ARHGEF39: variants seen among roughly 807,000 people sequenced by gnomAD.
ARHGEF39 encodes Rho guanine nucleotide exchange factor 39, also known as Rho guanine nucleotide exchange factor (GEF) 39.
A neutral mutation model predicts 47.5 loss-of-function variants in ARHGEF39; 45 were observed. That is an observed-to-expected ratio of 0.95 (90% confidence interval 0.75 to 1.22). The LOEUF is 1.22. Ranked by LOEUF, ARHGEF39 falls within the 50% of genes most tolerant of loss-of-function variation. The pLI is 0.00. For missense variants in ARHGEF39, 411 were observed against 425.3 expected (o/e 0.97, Z 0.30); for synonymous variants, 164 against 167.8 (o/e 0.98, Z 0.17).
rs1824164135 is a variant in ARHGEF39, at chr9:35,665,067, G to A, written c.103C>T (p.Arg35Trp). 1.3e-6 allele frequency: 2 copies of A among 1,563,000 alleles called. No individual in the cohort carries two copies. The highest frequency in any genetic ancestry group is 1.3e-5 in the African/African-American group (1 of 74,392). Reference protein sequence around the residue: ...CTARELLETERRYQEQLGLVA... With the variant: ...CTARELLETEWRYQEQLGLVA... ...AGCCCCAGCTGTTCTTGGTAGCGCC[G>A]CTCGGTCTCTAGCAGCTCCCGGGCG... Residue 35 changes from arginine to tryptophan, a missense_variant, in exon 1 of 9, where the codon CGG (arginine) becomes TGG (tryptophan). Transcript: ENST00000378387.
chr9:35,662,778 C>A, intron 6 of ARHGEF39, 37 bp from the exon 7 acceptor site: 1 of 1,536,988 alleles, frequency 6.5e-7, no homozygotes, highest in Non-Finnish European at 8.8e-7. Context: ...GGTGCAGCTT[C>A]AAGATACATG....
intron 2 of ARHGEF39, 32 bp downstream of exon 2, chr9:35,664,723 CT>C (rs1232148082): frequency 5.7e-6 from 9 of 1,591,992 alleles, no homozygotes; most frequent in Non-Finnish European, 6.8e-6. Flanking sequence ...AGGACTCTCC[CT>C]CCTTTCCTCT....
rs61755263 is a variant in ARHGEF39 at position 35,665,140 on chromosome 9, G to A, written c.30C>T (p.Cys10=). The A allele has an allele frequency of 2.7e-3, 4,173 of 1,542,128 alleles. 10 individuals are homozygous for A. The highest frequency in any genetic ancestry group is 2.8e-3 in the Non-Finnish European group (3,173 of 1,142,862). MELSCPGSR[C]PVQEQRARWE... is the part of the protein sequence containing the mutation. ...AGCGGGCACGCTGCTCTTGCACCGG[G>A]CACCGCGAACCGGGGCAGGAGAGCT... is the stretch of plus-strand genomic sequence containing the variant. The change falls in exon 1 of 9, where the codon TGC becomes TGT. Residue 10 remains cysteine, a synonymous_variant. Coordinates refer to ENST00000378387, the MANE Select transcript of ARHGEF39 (RefSeq NM_032818.3).
rs776399807 is a variant in ARHGEF39 at position 35,662,501 on chromosome 9, C to A, written c.903+11G>T. 1 of 1,608,610 alleles carries A rather than the reference C, an allele frequency of 6.2e-7. No individual in the cohort carries two copies. The highest frequency in any genetic ancestry group is 8.5e-7 in the Non-Finnish European group (1 of 1,177,330). On this transcript the variant is annotated intron_variant, in intron 7 of 8. Coordinates refer to ENST00000378387, the MANE Select transcript of ARHGEF39 (RefSeq NM_032818.3). ...CATATTTTGGGTCTAGGGTTCCCAC[C>A]TATTACTTACACTGAGCAACCCACC...
At position 35,660,737 on chromosome 9, in the gene ARHGEF39, T is replaced by G; in HGVS notation, c.*1250A>C. On this transcript the variant is annotated 3_prime_UTR_variant, in exon 9 of 9. Transcript: ENST00000378387. ...TAGGTTGGGAGCCACTGAGTGGACA[T>G]TTCTTCAGTGTGACTACTCTGGCTG... The G allele has an allele frequency of 6.2e-7, 1 of 1,613,984 alleles. No homozygotes were observed. The highest frequency in any genetic ancestry group is 8.5e-7 in the Non-Finnish European group (1 of 1,179,906).
chr9:35,663,380 G>C lies in ARHGEF39; in HGVS notation c.486C>G (p.Leu162=), dbSNP rs376575677. 1 of 1,613,632 alleles carries C rather than the reference G, an allele frequency of 6.2e-7. No homozygotes were observed. The highest frequency in any genetic ancestry group is 2.2e-5 in the East Asian group (1 of 44,886). ...CTGTGTTTTCAGCCAAAGCTACGAC[G>C]AGATTCTCATACCTGGAATTCAACA... The part of the protein sequence containing the change: ...PLQRLQQYEN[L]VVALAENTGP... The change falls in exon 5 of 9, where the codon CTC becomes CTG. Residue 162 remains leucine (L), a synonymous_variant. Coordinates refer to ENST00000378387, the MANE Select transcript of ARHGEF39 (RefSeq NM_032818.3).
chr9:35,661,095 A>C lies in ARHGEF39; in HGVS notation c.*892T>G, dbSNP rs1563913363. ...GGGGCGGGGACTACGGAGAAGGTGC[A>C]GCCAGGCTGTGGCAAAGGGCCCCAG... On this transcript the variant is annotated 3_prime_UTR_variant, in exon 9 of 9. Transcript: ENST00000378387. 1 of 1,614,200 alleles carries C rather than the reference A, an allele frequency of 6.2e-7. No homozygotes were observed. The highest frequency in any genetic ancestry group is 8.5e-7 in the Non-Finnish European group (1 of 1,180,028).
chr9:35,661,326 G>C lies in ARHGEF39; in HGVS notation c.*661C>G, dbSNP rs967127146. On this transcript the variant is annotated 3_prime_UTR_variant, in exon 9 of 9. Transcript: ENST00000378387. ...TGCCTTCCAGTGTGACAGCAGAGAA[G>C]ATAGAGGGAGCTCCAGCTCTTTTCC... 3.9e-5 allele frequency: 24 copies of C among 607,862 alleles called. No individual in the cohort carries two copies. Among genetic ancestry groups the C allele is most frequent in the African/African-American group, 3.5e-4 (19 of 53,774 alleles). 37.7% of individuals were successfully genotyped at this position (607,862 alleles called of 1,614,324 possible). A position where few individuals can be genotyped will look rare whatever the true frequency, so the allele number is the denominator to read the frequency against.
chr9:35,663,317 C>T lies in ARHGEF39; in HGVS notation c.544+5G>A. 6.2e-7 allele frequency: 1 copy of T among 1,613,906 alleles called. No homozygotes were observed. The highest frequency in any genetic ancestry group is 8.5e-7 in the Non-Finnish European group (1 of 1,179,820). ...AGCCTGCGTTGCCGAGGAGCAAGAA[C>T]CTACGTGTGAGCTGTTGATGGTCAG... On this transcript the variant is annotated splice_donor_5th_base_variant and intron_variant, in intron 5 of 8. Transcript: ENST00000378387.
Position 35,661,890 on chromosome 9 carries a change from G to T in ARHGEF39, c.*97C>A. 7.2e-7 allele frequency: 1 copy of T among 1,385,482 alleles called. No homozygotes were observed. The highest frequency in any genetic ancestry group is 1.4e-5 in the African/African-American group (1 of 69,186). 85.8% of individuals were successfully genotyped at this position (1,385,482 alleles called of 1,614,324 possible). On this transcript the variant is annotated 3_prime_UTR_variant, in exon 9 of 9. Coordinates refer to ENST00000378387, the MANE Select transcript of ARHGEF39 (RefSeq NM_032818.3). ...CAGAAAGTGACCTTTGTCAAATCAT[G>T]AAGGGTTCTGTTTTGTTCAGTACTG...
rs1020374925 is a variant in ARHGEF39 at position 35,660,164 on chromosome 9, C to G, written c.*1823G>C. On this transcript the variant is annotated 3_prime_UTR_variant, in exon 9 of 9. Coordinates refer to ENST00000378387, the MANE Select transcript of ARHGEF39 (RefSeq NM_032818.3). ...TCAGCCACCAGAGCTTTTTTCAAAC[C>G]GGAGGGAGTTGCTCATTCCTGGAGG... 6.8e-6 allele frequency: 3 copies of G among 438,062 alleles called. No individual in the cohort carries two copies. Among genetic ancestry groups the G allele is most frequent in the African/African-American group, 6.1e-5 (3 of 49,344 alleles). 27.1% of individuals were successfully genotyped at this position (438,062 alleles called of 1,614,324 possible).
In ARHGEF39 at chr9:35,662,949, A is replaced by C. The variant is rs1435558675; in HGVS notation, c.670T>G (p.Ser224Ala). The C allele has an allele frequency of 6.2e-7, 1 of 1,603,566 alleles. No individual in the cohort carries two copies. Among genetic ancestry groups the C allele is most frequent in the African/African-American group, 1.3e-5 (1 of 74,712 alleles). The change falls in exon 6 of 9, where the codon TCA (serine) becomes GCA (alanine). Residue 224 changes from serine to alanine, a missense_variant. Physicochemically the swap from Ser to Ala is moderately conservative, Grantham distance 99. Coordinates refer to ENST00000378387, the MANE Select transcript of ARHGEF39 (RefSeq NM_032818.3). ...GAAGGGGAAGTAGGCAAGCTACCTG[A>C]GGTCAGCCCCTTTGCCTGGCGTCCA... ...LSGRQAKGLT[S>A]GRWFLRQGWL... is the part of the protein sequence containing the mutation.
chr9:35,664,116 T>G lies in ARHGEF39; in HGVS notation c.365A>C (p.Lys122Thr). 6.2e-7 allele frequency: 1 copy of G among 1,614,008 alleles called. No individual in the cohort carries two copies. Among genetic ancestry groups the G allele is most frequent in the Non-Finnish European group, 8.5e-7 (1 of 1,179,856 alleles). Residue 122 changes from lysine (K) to threonine (T), a missense_variant, in exon 4 of 9, where the codon AAG becomes ACG. Physicochemically the swap from Lys to Thr is moderately conservative, Grantham distance 78. Transcript: ENST00000378387. ...RSQTTLQEQLKKNKGFRRFVR... is the reference protein window; with the variant it reads ...RSQTTLQEQLTKNKGFRRFVR... ...AAACCTCCGGAAACCTTTATTTTTC[T>G]TTAGCTGCTCCTGGAGTGAGGGAGA...
In ARHGEF39 at chr9:35,661,112, G is replaced by A; in HGVS notation, c.*875C>T. 1 of 1,614,098 alleles carries A rather than the reference G, an allele frequency of 6.2e-7. No individual in the cohort carries two copies. Among genetic ancestry groups the A allele is most frequent in the Non-Finnish European group, 8.5e-7 (1 of 1,179,970 alleles). On this transcript the variant is annotated 3_prime_UTR_variant, in exon 9 of 9. Transcript: ENST00000378387. ...GAAGGTGCAGCCAGGCTGTGGCAAA[G>A]GGCCCCAGTCACAGCCTTGGCTGGG... is the stretch of plus-strand genomic sequence containing the variant.
Position 35,661,900 on chromosome 9 carries a change from GT to G in ARHGEF39, c.*86del. On this transcript the variant is annotated 3_prime_UTR_variant, in exon 9 of 9. Transcript: ENST00000378387. ...CCTTTGTCAAATCATGAAGGGTTCT[GT>G]TTTGTTCAGTACTGAAGATTCCTTT... 10 of 1,456,708 alleles carry G rather than the reference GT, an allele frequency of 6.9e-6. No individual in the cohort carries two copies. Among genetic ancestry groups the G allele is most frequent in the Non-Finnish European group, 6.6e-6 (7 of 1,065,440 alleles). The allele number at this position is 1,456,708 out of a possible 1,614,324, so 90.2% of individuals were successfully genotyped here.
At position 35,661,285 on chromosome 9, in the gene ARHGEF39, T is replaced by A; in HGVS notation, c.*702A>T. On this transcript the variant is annotated 3_prime_UTR_variant, in exon 9 of 9. Coordinates refer to ENST00000378387, the MANE Select transcript of ARHGEF39 (RefSeq NM_032818.3). ...GGCCTTCTTGAAGAGCTGTCCTTAT[T>A]AGGACAAAAAGAGGCTGCCTTCCAG... 1 of 832,030 alleles carries A rather than the reference T, an allele frequency of 1.2e-6. No individual in the cohort carries two copies. The highest frequency in any genetic ancestry group is 1.9e-6 in the Non-Finnish European group (1 of 533,450). 51.5% of individuals were successfully genotyped at this position (832,030 alleles called of 1,614,324 possible). A position where few individuals can be genotyped will look rare whatever the true frequency, so the allele number is the denominator to read the frequency against.
chr9:35,665,162 A>C lies in ARHGEF39; in HGVS notation c.8T>G (p.Leu3Arg). Residue 3 changes from leucine to arginine, a missense_variant, in exon 1 of 9, where the codon CTC becomes CGC. Coordinates refer to ENST00000378387, the MANE Select transcript of ARHGEF39 (RefSeq NM_032818.3). Reference protein sequence around the residue: MELSCPGSRCPVQ... With the variant: MERSCPGSRCPVQ... ...CGGGCACCGCGAACCGGGGCAGGAG[A>C]GCTCCATGCCCTGGCTGAGGGATCG... 1 of 1,510,782 alleles carries C rather than the reference A, an allele frequency of 6.6e-7. No individual in the cohort carries two copies. The highest frequency in any genetic ancestry group is 8.9e-7 in the Non-Finnish European group (1 of 1,125,572). 93.6% of individuals were successfully genotyped at this position (1,510,782 alleles called of 1,614,324 possible).
intron 7 of ARHGEF39, 121 bp from the exon 8 acceptor site, chr9:35,662,388 C>T: frequency 7.3e-7 from 1 of 1,378,506 alleles, no homozygotes; most frequent in East Asian, 2.3e-5. Context: ...AGCCCGAGCC[C>T]CAGCTATCCT....
chr9:35,662,193 C>A lies in ARHGEF39; in HGVS notation c.978G>T (p.Leu326=), dbSNP rs774026852. Reference sequence around the variant, plus strand: ...ACACAACTTACCTGATAGCCCAAGTCAGACTGTGGTACCAGCGTGACAGCT... The same window carrying A: ...ACACAACTTACCTGATAGCCCAAGTAAGACTGTGGTACCAGCGTGACAGCT... ...QEELSRWYHS[L]TWAISSQKN The change falls in exon 8 of 9, where the codon CTG becomes CTT. Residue 326 remains leucine, a synonymous_variant. Coordinates refer to ENST00000378387, the MANE Select transcript of ARHGEF39 (RefSeq NM_032818.3). 1 of 1,614,192 alleles carries A rather than the reference C, an allele frequency of 6.2e-7. No individual in the cohort carries two copies. Among genetic ancestry groups the A allele is most frequent in the Admixed American group, 1.7e-5 (1 of 60,030 alleles).
Sources: allele counts gnomAD v4.1 joint callset, GRCh38; gene constraint gnomAD v4.1.1; transcripts MANE v1.5; gene names NCBI Gene and HGNC (gene_info 2026-07-23, HGNC 2026-07-21).